Variants in CTNND2 observed in about 807,000 individuals in gnomAD.
CTNND2 encodes the protein catenin delta-2.
Under a neutral mutation model 144.4 loss-of-function variants are expected in CTNND2, and 22 were observed. The ratio of observed to expected loss-of-function variants is 0.15; its 90% CI spans 0.11 to 0.22. The LOEUF (loss-of-function observed/expected upper bound fraction) is 0.22. CTNND2 is among the 10% of genes least tolerant of loss of function. The pLI, the probability that CTNND2 is intolerant of heterozygous loss-of-function variation, is 1.00. For missense variants in CTNND2, 1,353 were observed against 1,618.8 expected, an observed-to-expected ratio of 0.84 and a Z score of 2.82; for synonymous variants, 751 against 695.6, an observed-to-expected ratio of 1.08 and a Z score of -1.25.
chr5:11,629,888 G>A (rs114159761), intron 2 of CTNND2, among the ~76,000 whole-genome samples: 11 of 151,896 alleles, frequency 7.2e-5, no homozygotes, highest in South Asian at 2.1e-4. Context: ...GCTATGATAC[G>A]TCATGCTTTA....
intron 16 of CTNND2, among the ~76,000 whole-genome samples, chr5:11,029,344 A>T (rs917226606): frequency 2.0e-5 from 3 of 152,220 alleles, no homozygotes; most frequent in South Asian, 2.1e-4. Flanking sequence ...TATGCCTTGT[A>T]GCTTTTTTGT....
intron 1 of CTNND2, among the ~76,000 whole-genome samples, chr5:11,896,373 T>C (rs1387991060): frequency 6.6e-6 from 1 of 152,202 alleles, no homozygotes; most frequent in East Asian, 1.9e-4. Flanking sequence ...CAACCATGCA[T>C]GAATTTTAAC....
intron 11 of CTNND2, among the ~76,000 whole-genome samples, chr5:11,168,566 T>TC (rs1759578860): frequency 1.3e-5 from 2 of 152,162 alleles, no homozygotes; most frequent in Non-Finnish European, 2.9e-5. Flanking sequence ...GCAAGAACTT[T>TC]GAAAAAATGT....
rs34001856 is a variant in CTNND2, at chr5:11,346,520, C to T, written c.1480G>A (p.Gly494Ser). ...ATFQRASYAA[G>S]PASNYADPYR... ...GGGTCCGCGTAATTGGAGGCTGGGC[C>T]GGCGGCATAGCTGGCCCTCTGGAAG... The change falls in exon 9 of 22, where the codon GGC becomes AGC. Residue 494 changes from glycine (G) to serine (S), a missense_variant. Coordinates refer to ENST00000304623, the MANE Select transcript of CTNND2 (RefSeq NM_001332.4). 2.0e-4 allele frequency: 321 copies of T among 1,605,542 alleles called. No individual in the cohort carries two copies. The African/African-American group carries it at 2.7e-3, about 13-fold the overall frequency.
chr5:11,229,655 T>TGC (rs1740766782), intron 10 of CTNND2, among the ~76,000 whole-genome samples: 1 of 137,170 alleles, frequency 7.3e-6, no homozygotes, highest in South Asian at 2.3e-4. Context: ...CGTGTGTGTG[T>TGC]GTGTGTGTGT....
intron 2 of CTNND2, among the ~76,000 whole-genome samples, chr5:11,638,523 T>G (rs1781827681): frequency 6.6e-6 from 1 of 152,214 alleles, no homozygotes; most frequent in African/African-American, 2.4e-5. Flanking sequence ...ATTAAAAATA[T>G]GTTTCCCGCA....
intron 2 of CTNND2, among the ~76,000 whole-genome samples, chr5:11,701,944 G>T (rs1206904523): frequency 6.6e-6 from 1 of 152,162 alleles, no homozygotes; most frequent in Non-Finnish European, 1.5e-5. Flanking sequence ...CCTTCCCACT[G>T]TGTCTATAAA....
chr5:11,095,141 A>G (rs1751206256), intron 15 of CTNND2, among the ~76,000 whole-genome samples: 1 of 152,014 alleles, frequency 6.6e-6, no homozygotes, highest in Non-Finnish European at 1.5e-5. Context: ...TTCTTACTCT[A>G]CACACCTAAA....
intron 1 of CTNND2, among the ~76,000 whole-genome samples, chr5:11,740,499 G>A (rs1787939909): frequency 6.6e-6 from 1 of 152,150 alleles, no homozygotes; most frequent in Non-Finnish European, 1.5e-5. Flanking sequence ...GTAGAAAGCT[G>A]AAACTGGATC....
intron 1 of CTNND2, among the ~76,000 whole-genome samples, chr5:11,880,547 TACC>T (rs1310652737): frequency 1.6e-5 from 2 of 124,678 alleles, no homozygotes; most frequent in East Asian, 2.4e-4. Context: ...CCACTACTAC[TACC>T]ACTACTACTG....
At chr5:11,106,881 A>C (rs1164966691) in intron 14 of CTNND2, among the ~76,000 whole-genome samples, 1 of 152,158 alleles carries the variant, frequency 6.6e-6, no homozygotes, top group Non-Finnish European at 1.5e-5. Context: ...GGGGTCCTAA[A>C]GGAAAGGATA....
At chr5:11,299,546 G>T (rs1749360263) in intron 9 of CTNND2, among the ~76,000 whole-genome samples, 2 of 152,168 alleles carry the variant, frequency 1.3e-5, no homozygotes, top group South Asian at 4.1e-4. Flanking sequence ...GGCCCTCTGA[G>T]GGTGTTTCTA....
chr5:11,745,818 G>A (rs1409487850), intron 1 of CTNND2, among the ~76,000 whole-genome samples: 3 of 152,118 alleles, frequency 2.0e-5, no homozygotes, highest in Non-Finnish European at 4.4e-5. Context: ...GTGGATCTCA[G>A]CATCTAAACA....
intron 9 of CTNND2, among the ~76,000 whole-genome samples, chr5:11,280,070 T>C (rs1746965023): frequency 6.6e-6 from 1 of 151,946 alleles, no homozygotes; most frequent in African/African-American, 2.4e-5. Flanking sequence ...GCAATAAGAG[T>C]CAAAGCCCAT....
In CTNND2 at chr5:11,384,470, G is replaced by A. The variant is rs1408953310; in HGVS notation, c.1177+195C>T. On this transcript the variant is annotated intron_variant, in intron 7 of 21. Transcript: ENST00000304623. This position sits in a 1 kb window ranked among gnomAD's most constrained non-coding sequence, Gnocchi z 5.2. ...AGAGATTGAGACACCACATTACTCC[G>A]GAAAAGAAGTCACTGACAAACTGTA... 2 of 592,832 alleles carry A rather than the reference G, an allele frequency of 3.4e-6. No homozygotes were observed. Among genetic ancestry groups the A allele is most frequent in the South Asian group, 2.1e-5 (1 of 46,850 alleles). The allele number at this position is 592,832 out of a possible 1,614,324, so 36.7% of individuals were successfully genotyped here. A position where few individuals can be genotyped will look rare whatever the true frequency, so the allele number is the denominator to read the frequency against.
At chr5:11,284,217 CG>C (rs1310160074) in intron 9 of CTNND2, among the ~76,000 whole-genome samples, 1 of 152,102 alleles carries the variant, frequency 6.6e-6, no homozygotes, top group Non-Finnish European at 1.5e-5. Flanking sequence ...CTGTCAGTAC[CG>C]GGCTCCTGTT....
intron 2 of CTNND2, among the ~76,000 whole-genome samples, chr5:11,701,903 C>T (rs1382253749): frequency 3.3e-5 from 5 of 152,126 alleles, no homozygotes; most frequent in African/African-American, 9.7e-5. Context: ...CTCGAGTCAA[C>T]GGAAGTTTAA....
intron 10 of CTNND2, among the ~76,000 whole-genome samples, chr5:11,234,182 C>A (rs956024606): frequency 1.6e-4 from 25 of 152,102 alleles, no homozygotes; most frequent in Non-Finnish European, 1.6e-4. Context: ...CAGAGACAGA[C>A]ACACACACAT....
chr5:11,108,427 T>A (rs148984321), intron 14 of CTNND2, among the ~76,000 whole-genome samples: 1 of 152,334 alleles, frequency 6.6e-6, no homozygotes, highest in Non-Finnish European at 1.5e-5. Flanking sequence ...CAGTCATTTA[T>A]GCATTTGGCA....
Sources: allele counts gnomAD v4.1 joint callset (sites outside exome capture counted in the v4.1 genomes callset), GRCh38; gene constraint gnomAD v4.1.1; non-coding constraint Gnocchi (gnomAD v3.1); transcripts MANE v1.5; gene names NCBI Gene and HGNC (gene_info 2026-07-23, HGNC 2026-07-21).